The following WWOX variants were observed in gnomAD, a reference collection of about 807,000 sequenced individuals.
WWOX encodes WW domain-containing oxidoreductase.
WWOX carries 69 observed loss-of-function variants against 46.2 expected under a neutral mutation model. The observed-to-expected ratio is 1.49, with a 90% confidence interval of 1.23 to 1.82. WWOX has a LOEUF of 1.82. Among genes scored for constraint, WWOX ranks in the 40% most tolerant of loss-of-function variants. WWOX has a pLI of 0.00. For synonymous variants in WWOX, 359 were observed against 202.6 expected (o/e 1.77, Z -6.56); for missense variants, 919 against 542.6 (o/e 1.69, Z -6.89).
chr16:78,845,699 G>C (rs1376293892), intron 8 of WWOX, among the ~76,000 whole-genome samples: 3 of 152,158 alleles, frequency 2.0e-5, no homozygotes, highest in Admixed American at 6.5e-5. Flanking sequence ...ATTTCCGGAA[G>C]AATGGCCTTC....
intron 8 of WWOX, among the ~76,000 whole-genome samples, chr16:78,863,556 C>T (rs550562753): frequency 1.3e-5 from 2 of 152,284 alleles, no homozygotes; most frequent in Admixed American, 6.5e-5. Flanking sequence ...GATCTTTCGG[C>T]ATTGTGGCTC....
At chr16:78,645,240 A>G (rs2046811970) in intron 8 of WWOX, among the ~76,000 whole-genome samples, 1 of 151,962 alleles carries the variant, frequency 6.6e-6, no homozygotes, top group Admixed American at 6.6e-5. Flanking sequence ...CCACCTCCTC[A>G]TTGCTTAGTT....
chr16:78,125,093 A>G (rs932258823), intron 4 of WWOX, among the ~76,000 whole-genome samples: 1 of 152,200 alleles, frequency 6.6e-6, no homozygotes, highest in African/African-American at 2.4e-5. Flanking sequence ...TTACCTCTAC[A>G]ATGTACTTAA....
At chr16:78,316,571 G>A (rs1395719469) in intron 5 of WWOX, among the ~76,000 whole-genome samples, 1 of 152,066 alleles carries the variant, frequency 6.6e-6, no homozygotes, top group African/African-American at 2.4e-5. Context: ...TAAAACTCCT[G>A]GCCTCAGGTG....
intron 5 of WWOX, among the ~76,000 whole-genome samples, chr16:78,183,302 T>C (rs2035591064): frequency 6.6e-6 from 1 of 152,194 alleles, no homozygotes; most frequent in Non-Finnish European, 1.5e-5. Flanking sequence ...AGGCCTGTAT[T>C]ATGGCCCAAG....
intron 8 of WWOX, among the ~76,000 whole-genome samples, chr16:78,908,480 C>A (rs2045024038): frequency 6.7e-6 from 1 of 150,334 alleles, no homozygotes; most frequent in African/African-American, 2.4e-5. Context: ...GCAGAGGCTG[C>A]AGTGAGTCGA....
chr16:78,757,246 C>G (rs913933306), intron 8 of WWOX, among the ~76,000 whole-genome samples: 3 of 152,226 alleles, frequency 2.0e-5, no homozygotes, highest in Non-Finnish European at 4.4e-5. Flanking sequence ...CAGTGGATAA[C>G]TGCCCATTCA....
intron 8 of WWOX, chr16:78,825,524 C>T (rs1288227613): frequency 5.8e-6 from 3 of 516,514 alleles, no homozygotes; most frequent in Admixed American, 2.0e-5. Flanking sequence ...TCCCACAGGG[C>T]ATTGTAGAGC....
intron 8 of WWOX, among the ~76,000 whole-genome samples, chr16:78,578,868 T>A (rs2044974357): frequency 6.6e-6 from 1 of 152,190 alleles, no homozygotes; most frequent in Admixed American, 6.5e-5. Context: ...GTGAACAGGT[T>A]AATGGGAAAG....
chr16:79,185,003 T>C (rs528899329), intron 8 of WWOX, among the ~76,000 whole-genome samples: 16 of 152,334 alleles, frequency 1.1e-4, no homozygotes, highest in African/African-American at 3.1e-4. Flanking sequence ...TTATGCTGTT[T>C]ATAAAAATCA....
At chr16:78,127,500 A>C (rs1211839506) in intron 4 of WWOX, among the ~76,000 whole-genome samples, 1 of 145,384 alleles carries the variant, frequency 6.9e-6, no homozygotes, top group Non-Finnish European at 1.5e-5. Flanking sequence ...TTTCATCCAG[A>C]AAAGAATAAT....
chr16:79,130,543 C>T (rs2049855582), intron 8 of WWOX, among the ~76,000 whole-genome samples: 1 of 152,144 alleles, frequency 6.6e-6, no homozygotes, highest in Non-Finnish European at 1.5e-5. Flanking sequence ...ACTGTGGAAC[C>T]TGTACATTCA....
intron 8 of WWOX, among the ~76,000 whole-genome samples, chr16:79,048,316 C>G (rs906681523): frequency 2.6e-5 from 4 of 152,022 alleles, no homozygotes; most frequent in Non-Finnish European, 4.4e-5. Context: ...CCCAGGGGCC[C>G]CAGCCCTCCA....
At chr16:78,876,937 C>G (rs987289532) in intron 8 of WWOX, among the ~76,000 whole-genome samples, 2 of 152,132 alleles carry the variant, frequency 1.3e-5, no homozygotes, top group African/African-American at 4.8e-5. Context: ...AAAATTAAGG[C>G]ATAAAGTAGG....
At chr16:78,796,124 C>T (rs750711944) in intron 8 of WWOX, among the ~76,000 whole-genome samples, 27 of 152,188 alleles carry the variant, frequency 1.8e-4, no homozygotes, top group African/African-American at 5.8e-4. Flanking sequence ...CATTTAGAAA[C>T]GCCCCTTGCC....
At chr16:78,678,436 C>T (rs1247307667) in intron 8 of WWOX, among the ~76,000 whole-genome samples, 1 of 152,146 alleles carries the variant, frequency 6.6e-6, no homozygotes, top group African/African-American at 2.4e-5. Flanking sequence ...AGTTTGGCCT[C>T]AATCTTTATA....
intron 8 of WWOX, among the ~76,000 whole-genome samples, chr16:78,772,144 T>C (rs944846907): frequency 6.6e-6 from 1 of 152,190 alleles, no homozygotes; most frequent in Non-Finnish European, 1.5e-5. Context: ...ATCACCCAGG[T>C]AATAAGCCTT....
At chr16:78,781,664 C>G (rs186220670) in intron 8 of WWOX, among the ~76,000 whole-genome samples, 6 of 152,156 alleles carry the variant, frequency 3.9e-5, no homozygotes, top group Admixed American at 1.3e-4. Context: ...GCTCATGCCT[C>G]TAATCCTACC....
At chr16:79,005,331 C>G (rs1169641671) in intron 8 of WWOX, among the ~76,000 whole-genome samples, 1 of 152,172 alleles carries the variant, frequency 6.6e-6, no homozygotes, top group Non-Finnish European at 1.5e-5. Flanking sequence ...GAATCATTTA[C>G]TCCCCAGGCT....
Sources: allele counts gnomAD v4.1 joint callset (sites outside exome capture counted in the v4.1 genomes callset), GRCh38; gene constraint gnomAD v4.1.1; transcripts MANE v1.5; gene names NCBI Gene and HGNC (gene_info 2026-07-23, HGNC 2026-07-21).